The following GRXCR2 variants were observed in gnomAD, a reference collection of about 807,000 sequenced individuals.
GRXCR2 encodes glutaredoxin and cysteine rich domain containing 2.
GRXCR2 carries 23 observed loss-of-function variants against 24.8 expected under a neutral mutation model. That is an observed-to-expected ratio of 0.93 (90% CI 0.67 to 1.32). The LOEUF (loss-of-function observed/expected upper bound fraction) is 1.32. Among genes scored for constraint, GRXCR2 ranks in the 40% most tolerant of loss-of-function variants. The pLI is 0.00. For synonymous variants in GRXCR2, 130 were observed against 116.1 expected (o/e 1.12, Z -0.77); for missense variants, 315 against 303.4 (o/e 1.04, Z -0.28).
chr5:145,911,469 T>G lies in GRXCR2; in HGVS notation c.-70+24232A>C, dbSNP rs114100868. Among the ~76,000 whole-genome samples, 628 of 152,256 alleles carry G rather than the reference T, an allele frequency of 4.1e-3. 5 individuals carry two copies. The highest frequency in any genetic ancestry group is 0.015 in the African/African-American group (610 of 41,536). ...AAGGTACTGAAATGAAAGGAAAGCA[T>G]CAAAGCCGAGAACACTACTTGTAGA... On this transcript the variant is annotated intron_variant, in intron 2 of 3. Coordinates refer to the GRXCR2 transcript ENST00000639411.
intron 2 of GRXCR2, among the ~76,000 whole-genome samples, chr5:145,864,795 T>C (rs1756400452): frequency 6.6e-6 from 1 of 152,136 alleles, no homozygotes; most frequent in African/African-American, 2.4e-5. Context: ...TAGAGCAGTG[T>C]GAAAACGGAC....
intron 2 of GRXCR2, among the ~76,000 whole-genome samples, chr5:145,901,240 C>T (rs1757018789): frequency 6.6e-6 from 1 of 151,768 alleles, no homozygotes; most frequent in Non-Finnish European, 1.5e-5. Context: ...TACCCCTGAC[C>T]TCAGCATCAT....
chr5:145,866,134 C>CAAA (rs71581841), intron 2 of GRXCR2, among the ~76,000 whole-genome samples: 1,277 of 85,792 alleles, frequency 0.015, 20 homozygotes, highest in African/African-American at 0.042. Context: ...AACTCCTTCT[C>CAAA]AAAAAAAAAA....
At chr5:145,928,702 T>C (rs1363153120) in intron 2 of GRXCR2, among the ~76,000 whole-genome samples, 1 of 126,154 alleles carries the variant, frequency 7.9e-6, no homozygotes, top group Non-Finnish European at 1.5e-5. Flanking sequence ...AATTGAACAA[T>C]GAGAACACAT....
In GRXCR2 at chr5:145,858,630, A is replaced by T. The variant is rs1022661783; in HGVS notation, c.*1103T>A. 1.3e-5 allele frequency: 2 copies of T among 152,192 alleles called. No homozygotes were observed. The highest frequency in any genetic ancestry group is 1.3e-4 in the Admixed American group (2 of 15,284). The allele number at this position is 152,192 out of a possible 1,614,324, so 9.4% of individuals were successfully genotyped here. A position where few individuals can be genotyped will look rare whatever the true frequency, so the allele number is the denominator to read the frequency against. On this transcript the variant is annotated 3_prime_UTR_variant, in exon 3 of 3. Coordinates refer to ENST00000377976, the MANE Select transcript of GRXCR2 (RefSeq NM_001080516.2). ...AATAACAAACAAATCTTGAGAAATT[A>T]TTAAGTTATGAAATCAAAATTATTA...
At chr5:145,890,694 C>G (rs894707706) in intron 2 of GRXCR2, among the ~76,000 whole-genome samples, 1 of 152,090 alleles carries the variant, frequency 6.6e-6, no homozygotes, top group Admixed American at 6.5e-5. Context: ...CCTGCAGACC[C>G]TGTAGAGCAA....
intron 2 of GRXCR2, among the ~76,000 whole-genome samples, chr5:145,863,175 T>C (rs1160216099): frequency 6.6e-6 from 1 of 152,192 alleles, no homozygotes; most frequent in African/African-American, 2.4e-5. Context: ...CCCTACTCTT[T>C]CATCAGATTC....
intron 2 of GRXCR2, among the ~76,000 whole-genome samples, chr5:145,894,869 C>T (rs537187747): frequency 1.6e-4 from 25 of 152,144 alleles, no homozygotes; most frequent in African/African-American, 5.3e-4. Flanking sequence ...TGATGAACAT[C>T]GATGCAAAAA....
intron 2 of GRXCR2, among the ~76,000 whole-genome samples, chr5:145,908,371 A>G (rs187827364): frequency 8.5e-5 from 13 of 152,284 alleles, no homozygotes; most frequent in African/African-American, 3.1e-4. Flanking sequence ...CCTAGGATGT[A>G]CACAAGGAGG....
chr5:145,862,085 C>T lies in GRXCR2; in HGVS notation c.565-2170G>A, dbSNP rs192105336. On this transcript the variant is annotated intron_variant, in intron 2 of 2. Transcript: ENST00000377976. ...AAAATATTCTTAAAGCAAGTTGCCACGATTCATTTCCTGCCAAATCCATTA... is the reference window on the plus strand; with the variant it reads ...AAAATATTCTTAAAGCAAGTTGCCATGATTCATTTCCTGCCAAATCCATTA... Among the ~76,000 whole-genome samples the T allele has an allele frequency of 6.1e-4, 93 of 152,294 alleles. 1 individual carries two copies. Among genetic ancestry groups the T allele is most frequent in the Admixed American group, 6.1e-3 (93 of 15,296 alleles).
At position 145,859,691 on chromosome 5, in the gene GRXCR2, T is replaced by C; in HGVS notation, c.*42A>G. 1 of 1,595,404 alleles carries C rather than the reference T, an allele frequency of 6.3e-7. No individual in the cohort carries two copies. Among genetic ancestry groups the C allele is most frequent in the African/African-American group, 1.3e-5 (1 of 74,646 alleles). On this transcript the variant is annotated 3_prime_UTR_variant, in exon 3 of 3. Transcript: ENST00000377976. The stretch of plus-strand genomic sequence containing the variant: ...AGGGGGCGGTTTATTAGAAATAACT[T>C]TAGGGAGGGTAAGATAACAGTGGAC...
chr5:145,912,389 C>G (rs901604748), intron 2 of GRXCR2, among the ~76,000 whole-genome samples: 6 of 152,110 alleles, frequency 3.9e-5, no homozygotes, highest in Admixed American at 3.9e-4. Context: ...AATGACCCCT[C>G]TTTCATTCAT....
chr5:145,909,371 G>GTCAATCTT (rs375143569), intron 2 of GRXCR2, among the ~76,000 whole-genome samples: 74,415 of 151,544 alleles, frequency 0.49, 20,449 homozygotes, highest in East Asian at 0.72. Context: ...AGAAGGATTC[G>GTCAATCTT]TCTATTTTCA....
At chr5:145,911,905 A>G (rs1300015622) in intron 2 of GRXCR2, among the ~76,000 whole-genome samples, 1 of 152,212 alleles carries the variant, frequency 6.6e-6, no homozygotes, top group African/African-American at 2.4e-5. Context: ...CCTGGGAAAC[A>G]TAGTGAGACC....
At chr5:145,930,993 C>A (rs998807116) in intron 2 of GRXCR2, among the ~76,000 whole-genome samples, 3 of 152,102 alleles carry the variant, frequency 2.0e-5, no homozygotes, top group Admixed American at 6.5e-5. Flanking sequence ...AGATTCAAAC[C>A]GGGTCTGTTA....
intron 2 of GRXCR2, among the ~76,000 whole-genome samples, chr5:145,929,823 A>G (rs971341728): frequency 3.9e-5 from 6 of 152,118 alleles, no homozygotes; most frequent in African/African-American, 1.4e-4. Flanking sequence ...ATCTCTCACC[A>G]GATGTAGAGT....
At chr5:145,882,708 A>T (rs1467543501) in intron 2 of GRXCR2, among the ~76,000 whole-genome samples, 4 of 152,174 alleles carry the variant, frequency 2.6e-5, no homozygotes, top group African/African-American at 9.7e-5. Flanking sequence ...TGCTGCTGTA[A>T]AGACACATGC....
chr5:145,921,437 C>T (rs1757319724), intron 2 of GRXCR2, among the ~76,000 whole-genome samples: 2 of 152,158 alleles, frequency 1.3e-5, no homozygotes, highest in African/African-American at 4.8e-5. Context: ...TCCACCCTCC[C>T]CTCCTTCCTT....
At chr5:145,914,995 G>A (rs1393646794) in intron 2 of GRXCR2, among the ~76,000 whole-genome samples, 12 of 152,184 alleles carry the variant, frequency 7.9e-5, no homozygotes, top group Non-Finnish European at 1.8e-4. Flanking sequence ...TGGTAAGAAT[G>A]AAAAATCCTG....
Sources: allele counts gnomAD v4.1 joint callset (sites outside exome capture counted in the v4.1 genomes callset), GRCh38; gene constraint gnomAD v4.1.1; transcripts MANE v1.5; gene names NCBI Gene and HGNC (gene_info 2026-07-23, HGNC 2026-07-21).